Variants in FAAH2 observed in about 807,000 individuals in gnomAD.
FAAH2 encodes fatty-acid amide hydrolase 2.
Under a neutral mutation model 36.9 loss-of-function variants are expected in FAAH2, and 60 were observed. The observed-to-expected ratio is 1.63, with a 90% CI of 1.32 to 2.02. The LOEUF (loss-of-function observed/expected upper bound fraction) is 2.02, where lower values mean the gene tolerates loss of function less well. FAAH2 is among the 30% of genes most tolerant of loss of function. FAAH2 has a pLI of 0.00. For missense variants in FAAH2, 689 were observed against 397.5 expected, an observed-to-expected ratio of 1.73 and a Z score of -6.23; for synonymous variants, 214 against 143.8, an observed-to-expected ratio of 1.49 and a Z score of -3.49.
intron 10 of FAAH2, among the ~76,000 whole-genome samples, chrX:57,486,376 C>A (rs762023220): frequency 9.0e-6 from 1 of 111,163 alleles, no homozygotes; most frequent in South Asian, 3.8e-4. Flanking sequence ...CTACAGTTGC[C>A]TCCCAGCCTG....
chrX:57,253,307 A>T, the FAAH2 span, among the ~76,000 whole-genome samples: 1 of 111,419 alleles, frequency 9.0e-6, no homozygotes, highest in Non-Finnish European at 1.9e-5. Flanking sequence ...TGTAACTGAA[A>T]GTAATGGGGA....
intron 7 of FAAH2, among the ~76,000 whole-genome samples, chrX:57,391,145 C>T (rs1321686728): frequency 9.1e-6 from 1 of 110,490 alleles, no homozygotes; most frequent in Non-Finnish European, 1.9e-5. Flanking sequence ...AATGTCTATT[C>T]ATGTTTTTTG....
chrX:57,472,508 A>G (rs1279985612), intron 10 of FAAH2, among the ~76,000 whole-genome samples: 2 of 111,476 alleles, frequency 1.8e-5, no homozygotes, highest in Non-Finnish European at 3.8e-5. Flanking sequence ...TTAGAGAGGT[A>G]TTCCTACACT....
chrX:57,125,611 A>G, the FAAH2 span, among the ~76,000 whole-genome samples: 1 of 111,630 alleles, frequency 9.0e-6, no homozygotes, highest in Non-Finnish European at 1.9e-5. Context: ...TTCTCCTCCT[A>G]TCTCAGCTAG....
intron 5 of FAAH2, among the ~76,000 whole-genome samples, chrX:57,352,065 TACAC>T (rs779470639): frequency 0.6 from 25,563 of 42,434 alleles, 8,741 homozygotes; most frequent in Non-Finnish European, 0.76. Flanking sequence ...TATATATATA[TACAC>T]ATATATATAT....
chrX:57,250,120 G>A, the FAAH2 span, among the ~76,000 whole-genome samples: 1 of 111,906 alleles, frequency 8.9e-6, no homozygotes. Context: ...CCTTGCAAAA[G>A]TGATTGGAAC....
chrX:57,468,040 C>T (rs368274823), intron 10 of FAAH2, among the ~76,000 whole-genome samples: 104 of 111,993 alleles, frequency 9.3e-4, no homozygotes, highest in African/African-American at 2.6e-3. Flanking sequence ...TGATGGTCTA[C>T]GCTGTTAGAA....
intron 7 of FAAH2, among the ~76,000 whole-genome samples, chrX:57,401,140 A>T (rs531923781): frequency 1.5e-4 from 17 of 110,862 alleles, no homozygotes; most frequent in African/African-American, 5.3e-4. Context: ...AATAAATAAA[A>T]AATTTATAAA....
At chrX:57,248,299 G>C in the FAAH2 span, among the ~76,000 whole-genome samples, 1 of 111,716 alleles carries the variant, frequency 9.0e-6, no homozygotes, top group African/African-American at 3.3e-5. Flanking sequence ...AGATTACATC[G>C]TTATCTTAAG....
chrX:57,158,222 C>T, the FAAH2 span, among the ~76,000 whole-genome samples: 2 of 111,929 alleles, frequency 1.8e-5, no homozygotes, highest in African/African-American at 6.5e-5. Context: ...CGTATATGTG[C>T]CACATTTTCT....
intron 7 of FAAH2, among the ~76,000 whole-genome samples, chrX:57,415,826 G>C (rs1052494615): frequency 9.0e-6 from 1 of 110,971 alleles, no homozygotes; most frequent in Admixed American, 9.6e-5. Context: ...ACAGTGGGGT[G>C]TTAAAGTCTC....
intron 2 of FAAH2, among the ~76,000 whole-genome samples, chrX:57,299,666 G>A (rs2052276560): frequency 8.9e-6 from 1 of 111,774 alleles, no homozygotes; most frequent in Non-Finnish European, 1.9e-5. Flanking sequence ...AAGTCAAATT[G>A]TCCCTGTTTG....
the FAAH2 span, among the ~76,000 whole-genome samples, chrX:57,268,844 A>T: frequency 8.9e-6 from 1 of 111,976 alleles, no homozygotes; most frequent in Non-Finnish European, 1.9e-5. Flanking sequence ...AGTCTGCAAA[A>T]TAACCAGCTA....
At chrX:57,466,584 G>A (rs143376848) in intron 10 of FAAH2, among the ~76,000 whole-genome samples, 338 of 110,113 alleles carry the variant, frequency 3.1e-3, no homozygotes, top group African/African-American at 0.01. Context: ...CCAATCAAAC[G>A]GCAAACATGC....
chrX:57,253,212 G>A, the FAAH2 span, among the ~76,000 whole-genome samples: 5 of 109,450 alleles, frequency 4.6e-5, no homozygotes, highest in African/African-American at 1.0e-4. Context: ...GACAAGCTTA[G>A]AGAAAAAAGA....
upstream of FAAH2, among the ~76,000 whole-genome samples, chrX:57,282,548 G>A (rs1473910425): frequency 8.9e-6 from 1 of 112,009 alleles, no homozygotes; most frequent in Non-Finnish European, 1.9e-5. Context: ...TGTGTGGGTT[G>A]ATGTTCCTTC....
chrX:57,270,059 A>G, the FAAH2 span, among the ~76,000 whole-genome samples: 1 of 112,278 alleles, frequency 8.9e-6, no homozygotes, highest in African/African-American at 3.2e-5. Context: ...ACCCCGCAGA[A>G]ATAAAATTAT....
chrX:57,162,172 A>T, the FAAH2 span, among the ~76,000 whole-genome samples: 1 of 111,665 alleles, frequency 9.0e-6, no homozygotes, highest in Non-Finnish European at 1.9e-5. Flanking sequence ...TTTCTTTAAG[A>T]ATGTTGAATA....
At chrX:57,332,040 A>C (rs1455144750) in intron 4 of FAAH2, among the ~76,000 whole-genome samples, 1 of 111,827 alleles carries the variant, frequency 8.9e-6, no homozygotes, top group Non-Finnish European at 1.9e-5. Flanking sequence ...ATTGAGAATG[A>C]ACTACAAGTG....
Sources: gnomAD v4.1 joint callset for allele counts (sites outside exome capture counted in the v4.1 genomes callset) on GRCh38, gnomAD v4.1.1 for gene constraint, MANE v1.5 for transcripts, NCBI Gene and HGNC (gene_info 2026-07-23, HGNC 2026-07-21) for gene names.